The following C1QTNF3 variants were observed in gnomAD, a reference collection of about 807,000 sequenced individuals.
C1QTNF3 encodes the protein complement C1q tumor necrosis factor-related protein 3.
Under a neutral mutation model 32.6 loss-of-function variants are expected in C1QTNF3, and 26 were observed. The observed-to-expected ratio is 0.80, with a 90% CI of 0.58 to 1.11. The LOEUF (loss-of-function observed/expected upper bound fraction) is 1.11, where lower values mean the gene tolerates loss of function less well. Ranked by LOEUF, C1QTNF3 falls within the 50% of genes least tolerant of loss-of-function variation. The pLI is 0.00. For synonymous variants in C1QTNF3, 155 were observed against 146.0 expected, an observed-to-expected ratio of 1.06 and a Z score of -0.44; for missense variants, 362 against 398.2, an observed-to-expected ratio of 0.91 and a Z score of 0.77.
chr5:34,075,632 T>A, the C1QTNF3 span, among the ~76,000 whole-genome samples: 1 of 151,260 alleles, frequency 6.6e-6, no homozygotes, highest in Non-Finnish European at 1.5e-5. Context: ...AACTCTACTG[T>A]TGGTAGGAAA....
chr5:34,217,253 G>A, the C1QTNF3 span, among the ~76,000 whole-genome samples: 4 of 152,112 alleles, frequency 2.6e-5, no homozygotes, highest in African/African-American at 9.6e-5. Context: ...TATTAGGTTG[G>A]TACAAAAGGC....
the C1QTNF3 span, among the ~76,000 whole-genome samples, chr5:34,177,477 C>A: frequency 1.5e-5 from 2 of 130,322 alleles, no homozygotes; most frequent in East Asian, 2.3e-4. Flanking sequence ...CGACCATACC[C>A]AACTTTTTTT....
chr5:34,161,890 T>C, the C1QTNF3 span, among the ~76,000 whole-genome samples: 1 of 152,202 alleles, frequency 6.6e-6, no homozygotes, highest in Non-Finnish European at 1.5e-5. Flanking sequence ...CAGTGAGGTT[T>C]CCCACTTAAA....
the C1QTNF3 span, among the ~76,000 whole-genome samples, chr5:34,078,032 AT>A: frequency 6.6e-5 from 10 of 151,316 alleles, 1 homozygote; most frequent in African/African-American, 2.4e-4. This position sits in a 1 kb window ranked among gnomAD's most constrained non-coding sequence, Gnocchi z 4.0. Context: ...CCATGGACTT[AT>A]TTTTTTTATT....
chr5:34,201,984 T>C, the C1QTNF3 span, among the ~76,000 whole-genome samples: 617 of 152,270 alleles, frequency 4.1e-3, 7 homozygotes, highest in African/African-American at 0.014. Context: ...CACAAGGATA[T>C]TGAATCCTAC....
At chr5:34,181,317 G>A in the C1QTNF3 span, among the ~76,000 whole-genome samples, 1 of 152,372 alleles carries the variant, frequency 6.6e-6, no homozygotes, top group African/African-American at 2.4e-5. Context: ...TTCCTGCCCC[G>A]GAAACAGGCA....
the C1QTNF3 span, among the ~76,000 whole-genome samples, chr5:34,160,381 T>G: frequency 6.6e-6 from 1 of 152,238 alleles, no homozygotes; most frequent in Non-Finnish European, 1.5e-5. Context: ...TTAAATTATA[T>G]GGACGTGTAA....
At chr5:34,232,382 T>C in the C1QTNF3 span, among the ~76,000 whole-genome samples, 1 of 150,890 alleles carries the variant, frequency 6.6e-6, no homozygotes, top group Non-Finnish European at 1.5e-5. Context: ...TTTTGAAATG[T>C]GAGAAGGACA....
chr5:34,056,099 A>G, the C1QTNF3 span, among the ~76,000 whole-genome samples: 660 of 152,272 alleles, frequency 4.3e-3, 8 homozygotes, highest in African/African-American at 0.015. Context: ...GCATGATTCT[A>G]CACTTGCTCC....
At chr5:34,064,516 G>A in the C1QTNF3 span, among the ~76,000 whole-genome samples, 2 of 152,166 alleles carry the variant, frequency 1.3e-5, no homozygotes, top group Non-Finnish European at 2.9e-5. Context: ...CCAGTGTTCA[G>A]CTCAATTAGG....
chr5:34,158,228 T>A, the C1QTNF3 span: 1 of 151,380 alleles, frequency 6.6e-6, no homozygotes, highest in Non-Finnish European at 1.5e-5. Flanking sequence ...TGCCTCAGCC[T>A]CCCGAGTAGC....
chr5:34,122,417 C>T, the C1QTNF3 span, among the ~76,000 whole-genome samples: 1 of 152,150 alleles, frequency 6.6e-6, no homozygotes, highest in Non-Finnish European at 1.5e-5. Flanking sequence ...GAGAAAAGGT[C>T]ACTCTCTTAA....
At chr5:34,094,179 A>C in the C1QTNF3 span, among the ~76,000 whole-genome samples, 3 of 152,176 alleles carry the variant, frequency 2.0e-5, no homozygotes, top group Non-Finnish European at 2.9e-5. Flanking sequence ...ACCCAACAAT[A>C]AACTCTATCT....
chr5:34,156,044 G>T, the C1QTNF3 span, among the ~76,000 whole-genome samples: 1 of 152,114 alleles, frequency 6.6e-6, no homozygotes. Context: ...ACACCATGAG[G>T]AGTTTGATTT....
the C1QTNF3 span, among the ~76,000 whole-genome samples, chr5:34,238,811 G>A: frequency 6.6e-6 from 1 of 151,868 alleles, no homozygotes; most frequent in African/African-American, 2.4e-5. Flanking sequence ...ACTATAAAAG[G>A]TGACTATCCC....
the C1QTNF3 span, among the ~76,000 whole-genome samples, chr5:34,066,899 T>G: frequency 6.6e-6 from 1 of 152,168 alleles, no homozygotes; most frequent in Non-Finnish European, 1.5e-5. Flanking sequence ...TTTCTGAACT[T>G]GTATGTCCTT....
the C1QTNF3 span, among the ~76,000 whole-genome samples, chr5:34,195,577 C>G: frequency 6.6e-6 from 1 of 152,240 alleles, no homozygotes; most frequent in Non-Finnish European, 1.5e-5. Context: ...CGCGGTGGCT[C>G]ATGCCTGTAA....
chr5:34,220,490 GCATA>G, the C1QTNF3 span, among the ~76,000 whole-genome samples: 2 of 141,680 alleles, frequency 1.4e-5, no homozygotes, highest in Non-Finnish European at 3.0e-5. Context: ...AGTTCAGTTA[GCATA>G]CACACACACA....
the C1QTNF3 span, among the ~76,000 whole-genome samples, chr5:34,195,522 A>C: frequency 6.6e-6 from 1 of 151,966 alleles, no homozygotes; most frequent in African/African-American, 2.4e-5. Flanking sequence ...CATCTGCTAC[A>C]GACTGCATGT....
Sources: gnomAD v4.1 joint callset for allele counts (sites outside exome capture counted in the v4.1 genomes callset) on GRCh38, gnomAD v4.1.1 for gene constraint, Gnocchi (gnomAD v3.1) non-coding constraint, MANE v1.5 for transcripts, NCBI Gene and HGNC (gene_info 2026-07-23, HGNC 2026-07-21) for gene names.